Variants in USP5 observed in about 807,000 individuals in gnomAD.
The protein encoded by USP5 is ubiquitin specific peptidase 5, also known as ubiquitin carboxyl-terminal hydrolase 5.
A neutral mutation model predicts 102.5 loss-of-function variants in USP5; 24 were observed. The ratio of observed to expected loss-of-function variants is 0.23; its 90% CI spans 0.17 to 0.33. USP5 has a LOEUF of 0.33. Among genes scored for constraint, USP5 ranks in the 10% least tolerant of loss-of-function variants. The pLI is 1.00. For synonymous variants in USP5, 460 were observed against 434.8 expected (o/e 1.06, Z -0.72); for missense variants, 753 against 1,122.1 (o/e 0.67, Z 4.70).
intron 19 of USP5, among the ~76,000 whole-genome samples, chr12:6,865,737 AC>A (rs1944426341): frequency 6.6e-6 from 1 of 152,006 alleles, no homozygotes; most frequent in Non-Finnish European, 1.5e-5. Context: ...AAGTTTACCA[AC>A]CCCCTGCCTC....
chr12:6,854,960 G>A lies in USP5; in HGVS notation c.112-441G>A, dbSNP rs140810255. ...GAAAGTCTTTCCTCTCCCACGAAGG[G>A]ACCCTTTTTCCCTTTGAATGTAATC... On this transcript the variant is annotated intron_variant, in intron 1 of 19. Coordinates refer to ENST00000229268, the MANE Select transcript of USP5 (RefSeq NM_001098536.2). Among the ~76,000 whole-genome samples the A allele has an allele frequency of 3.2e-3, 494 of 152,152 alleles. 5 individuals carry two copies. Among genetic ancestry groups the A allele is most frequent in the African/African-American group, 0.011 (441 of 41,502 alleles).
At chr12:6,865,958 C>T in intron 19 of USP5, 26 bp from the exon 20 acceptor site, 5 of 1,605,770 alleles carry the variant, frequency 3.1e-6, no homozygotes, top group Non-Finnish European at 4.3e-6. Context: ...TTTGTTCATC[C>T]TTTTCTGTTT....
rs1473339819 is a variant in USP5, at chr12:6,864,460, T to C, written c.2245-262T>C. ...ATCCCAGCACTTTGGGAGGGTGAGG[T>C]GGGCGGATCACGCGGTCAGCAGATC... On this transcript the variant is annotated intron_variant, in intron 17 of 19. Coordinates refer to ENST00000229268, the MANE Select transcript of USP5 (RefSeq NM_001098536.2). This position sits in a 1 kb window ranked among gnomAD's most constrained non-coding sequence, Gnocchi z 4.8. Among the ~76,000 whole-genome samples, 6 of 152,196 alleles carry C rather than the reference T, an allele frequency of 3.9e-5. No homozygotes were observed. Among genetic ancestry groups the C allele is most frequent in the South Asian group, 2.1e-4 (1 of 4,822 alleles).
intron 6 of USP5, chr12:6,857,414 T>C: frequency 1.9e-6 from 1 of 520,740 alleles, no homozygotes; most frequent in East Asian, 3.1e-5. Flanking sequence ...TCACAAGTAA[T>C]TCCAACCCTC....
rs2138062152 is a variant in USP5 at position 6,861,954 on chromosome 12, A to G, written c.1673+337A>G. On this transcript the variant is annotated intron_variant, in intron 13 of 19. Transcript: ENST00000229268. The surrounding 1 kb of genome is among the most constrained non-coding windows in gnomAD (Gnocchi z 4.9). The stretch of plus-strand genomic sequence containing the variant: ...GAATTTGGATTTCCAGCAAATAGCC[A>G]CACTTTGAGCCTAGCCATTGGCACC... Among the ~76,000 whole-genome samples, 1 of 152,106 alleles carries G rather than the reference A, an allele frequency of 6.6e-6. No individual in the cohort carries two copies. Among genetic ancestry groups the G allele is most frequent in the African/African-American group, 2.4e-5 (1 of 41,498 alleles).
Position 6,858,550 on chromosome 12 carries a change from C to G in USP5, c.991C>G (p.Leu331Val). ...FGPGYTGIRNLGNSCYLNSVV... is the reference protein window; with the variant it reads ...FGPGYTGIRNVGNSCYLNSVV... ...GCCTGGCTACACAGGCATCCGGAACCTGGGTAACAGCTGCTACCTCAACTC... is the reference window on the plus strand; with the variant it reads ...GCCTGGCTACACAGGCATCCGGAACGTGGGTAACAGCTGCTACCTCAACTC... The change falls in exon 8 of 20, where the codon CTG becomes GTG. Residue 331 changes from leucine to valine, a missense_variant. Leu to Val is a conservative substitution (Grantham distance 32, BLOSUM62 1). This residue lies in a region of USP5 where 527 missense variants were observed against 816.5 expected (regional missense o/e 0.65). Coordinates refer to ENST00000229268, the MANE Select transcript of USP5 (RefSeq NM_001098536.2). This position sits in a 1 kb window ranked among gnomAD's most constrained non-coding sequence, Gnocchi z 4.2. 1 of 1,613,842 alleles carries G rather than the reference C, an allele frequency of 6.2e-7. No homozygotes were observed. The highest frequency in any genetic ancestry group is 8.5e-7 in the Non-Finnish European group (1 of 1,179,702).
intron 1 of USP5, among the ~76,000 whole-genome samples, chr12:6,852,671 G>T (rs1268675427): frequency 6.6e-6 from 1 of 152,252 alleles, no homozygotes; most frequent in Non-Finnish European, 1.5e-5. Context: ...GTAGTCTCGT[G>T]TAGGAGTGAT....
In USP5 at chr12:6,852,209, G is replaced by A; in HGVS notation, c.30G>A (p.Leu10=). The A allele has an allele frequency of 6.2e-7, 1 of 1,612,938 alleles. No homozygotes were observed. The highest frequency in any genetic ancestry group is 1.3e-5 in the African/African-American group (1 of 75,056). The part of the protein sequence containing the change: MAELSEEAL[L]SVLPTIRVPK... The stretch of plus-strand genomic sequence containing the variant: ...CGGAGCTGAGTGAGGAGGCGCTGCT[G>A]TCAGTATTACCGACGATCCGGGTCC... The change falls in exon 1 of 20, where the codon CTG becomes CTA. Residue 10 remains leucine (L), a synonymous_variant. Coordinates refer to ENST00000229268, the MANE Select transcript of USP5 (RefSeq NM_001098536.2).
chr12:6,852,439 C>T, intron 1 of USP5, 149 bp downstream of exon 1: 1 of 852,382 alleles, frequency 1.2e-6, no homozygotes, highest in Non-Finnish European at 1.8e-6. Flanking sequence ...CGTTGCCTTT[C>T]ATTAACTGCG....
chr12:6,853,829 A>G (rs995773806), intron 1 of USP5, among the ~76,000 whole-genome samples: 1 of 152,214 alleles, frequency 6.6e-6, no homozygotes, highest in Non-Finnish European at 1.5e-5. Context: ...GAAATGCTCT[A>G]TTTGTTCATG....
Position 6,858,742 on chromosome 12 carries a change from G to A in USP5, c.1058+125G>A. 3 of 919,692 alleles carry A rather than the reference G, an allele frequency of 3.3e-6. No individual in the cohort carries two copies. 57.0% of individuals were successfully genotyped at this position (919,692 alleles called of 1,614,324 possible). Reference sequence around the variant, plus strand: ...GTCTTAGAGTAGTTCCTATCGGCTGGGTGTGTTGGCCCACACCCGTAATCC... The same window carrying A: ...GTCTTAGAGTAGTTCCTATCGGCTGAGTGTGTTGGCCCACACCCGTAATCC... On this transcript the variant is annotated intron_variant, in intron 8 of 19. Transcript: ENST00000229268. This position sits in a 1 kb window ranked among gnomAD's most constrained non-coding sequence, Gnocchi z 4.2.
Position 6,855,805 on chromosome 12 carries a change from C to A in USP5, c.288C>A (p.Pro96=). The part of the protein sequence containing the change: ...TGTGDPPRKK[P]TRLAIGVEGG... ...CTGGAGACCCACCCCGGAAGAAGCC[C>A]ACGCGGCTGGCTATTGGTGAGCACC... is the stretch of plus-strand genomic sequence containing the variant. The change falls in exon 3 of 20, where the codon CCC becomes CCA. Residue 96 remains proline (P), a synonymous_variant. Transcript: ENST00000229268. The surrounding 1 kb of genome is among the most constrained non-coding windows in gnomAD (Gnocchi z 4.6). 3.1e-6 allele frequency: 5 copies of A among 1,614,234 alleles called. No individual in the cohort carries two copies. The highest frequency in any genetic ancestry group is 4.2e-6 in the Non-Finnish European group (5 of 1,180,032).
chr12:6,853,622 C>T (rs1344956581), intron 1 of USP5, among the ~76,000 whole-genome samples: 1 of 152,224 alleles, frequency 6.6e-6, no homozygotes, highest in Non-Finnish European at 1.5e-5. Context: ...CACTTTTATT[C>T]ACTCCTGTCT....
intron 1 of USP5, among the ~76,000 whole-genome samples, chr12:6,854,321 C>T (rs1555127708): frequency 2.0e-5 from 3 of 152,072 alleles, no homozygotes. Flanking sequence ...GACTTCATGA[C>T]CCTGCCAGAC....
At position 6,861,934 on chromosome 12, in the gene USP5, T is replaced by C. The variant is rs1390955604; in HGVS notation, c.1673+317T>C. On this transcript the variant is annotated intron_variant, in intron 13 of 19. Coordinates refer to ENST00000229268, the MANE Select transcript of USP5 (RefSeq NM_001098536.2). This position sits in a 1 kb window ranked among gnomAD's most constrained non-coding sequence, Gnocchi z 4.9. ...CTTAGGATCAGCTGTGGGCAGAATT[T>C]GGATTTCCAGCAAATAGCCACACTT... is the stretch of plus-strand genomic sequence containing the variant. 6.6e-6 allele frequency among the ~76,000 whole-genome samples: 1 copy of C among 152,124 alleles called. No individual in the cohort carries two copies. The highest frequency in any genetic ancestry group is 1.5e-5 in the Non-Finnish European group (1 of 68,014).
Position 6,864,124 on chromosome 12 carries a change from G to A in USP5, c.2173G>A (p.Glu725Lys). The stretch of plus-strand genomic sequence containing the variant: ...AAGCGCAGCAGCCGACCCCCCTCCT[G>A]AGGACTGTGTGACCACCATTGTCTC... ...STSAAADPPP[E>K]DCVTTIVSMG... is the part of the protein sequence containing the mutation. Residue 725 changes from glutamate to lysine, a missense_variant, in exon 17 of 20, where the codon GAG (glutamate) becomes AAG (lysine). Glu to Lys is a moderately conservative substitution (Grantham distance 56). This residue lies in a region of USP5 where 193 missense variants were observed against 230.2 expected (regional missense o/e 0.84). Transcript: ENST00000229268. The surrounding 1 kb of genome is among the most constrained non-coding windows in gnomAD (Gnocchi z 4.8). The A allele has an allele frequency of 6.2e-7, 1 of 1,614,074 alleles. No individual in the cohort carries two copies. The highest frequency in any genetic ancestry group is 8.5e-7 in the Non-Finnish European group (1 of 1,179,980).
Position 6,861,515 on chromosome 12 carries a change from G to T in USP5, c.1571G>T (p.Arg524Leu). The change falls in exon 13 of 20, where the codon CGG (arginine) becomes CTG (leucine). Residue 524 changes from arginine to leucine, a missense_variant. Transcript: ENST00000229268. The surrounding 1 kb of genome is among the most constrained non-coding windows in gnomAD (Gnocchi z 4.9). ...AAGATGGCACTGCCAGAACTGGTTC[G>T]GGCCCAGGTGCCCTTCAGCTCTTGC... ...EEKMALPELV[R>L]AQVPFSSCLE... is the part of the protein sequence containing the mutation. The T allele has an allele frequency of 6.2e-7, 1 of 1,601,962 alleles. No individual in the cohort carries two copies. Among genetic ancestry groups the T allele is most frequent in the Non-Finnish European group, 8.5e-7 (1 of 1,170,232 alleles).
At chr12:6,865,508 C>T (rs1048000418) in intron 19 of USP5, among the ~76,000 whole-genome samples, 6 of 152,182 alleles carry the variant, frequency 3.9e-5, no homozygotes, top group Non-Finnish European at 8.8e-5. Context: ...AGTGATCCTT[C>T]TGCCTCGGCC....
chr12:6,858,398 A>C lies in USP5; in HGVS notation c.865-26A>C, dbSNP rs782728940. 3 of 1,587,580 alleles carry C rather than the reference A, an allele frequency of 1.9e-6. No individual in the cohort carries two copies. The highest frequency in any genetic ancestry group is 2.6e-6 in the Non-Finnish European group (3 of 1,157,560). ...AACTACAGGGTTGAGTTTCTCACTC[A>C]GTCTGAAGTGCCCCTTCTCACACAG... On this transcript the variant is annotated intron_variant, in intron 7 of 19. Coordinates refer to ENST00000229268, the MANE Select transcript of USP5 (RefSeq NM_001098536.2). The surrounding 1 kb of genome is among the most constrained non-coding windows in gnomAD (Gnocchi z 4.2).
Sources: allele counts gnomAD v4.1 joint callset (sites outside exome capture counted in the v4.1 genomes callset), GRCh38; gene constraint gnomAD v4.1.1; regional missense constraint gnomAD v4.1.1; non-coding constraint Gnocchi (gnomAD v3.1); transcripts MANE v1.5; gene names NCBI Gene and HGNC (gene_info 2026-07-23, HGNC 2026-07-21).